Variants in MID1 observed in about 807,000 individuals in gnomAD.
The protein encoded by MID1 is midline 1.
A neutral mutation model predicts 40.4 loss-of-function variants in MID1; 7 were observed. The ratio of observed to expected loss-of-function variants is 0.17; its 90% CI spans 0.10 to 0.33. The LOEUF is 0.33. Ranked by LOEUF, MID1 falls within the 10% of genes least tolerant of loss-of-function variation. MID1 has a pLI of 1.00. For synonymous variants in MID1, 229 were observed against 221.2 expected (o/e 1.04, Z -0.31); for missense variants, 367 against 558.5 (o/e 0.66, Z 3.46).
intron 1 of MID1, among the ~76,000 whole-genome samples, chrX:10,798,284 C>G (rs367596370): frequency 8.9e-6 from 1 of 112,146 alleles, no homozygotes; most frequent in South Asian, 3.7e-4. Context: ...ATTAAAACAT[C>G]TTTTGACTAC....
At chrX:10,756,074 G>A (rs781675046) in intron 1 of MID1, among the ~76,000 whole-genome samples, 1 of 112,024 alleles carries the variant, frequency 8.9e-6, no homozygotes, top group Non-Finnish European at 1.9e-5. Context: ...CTTAAGAAAT[G>A]AAATGAACAA....
intron 1 of MID1, among the ~76,000 whole-genome samples, chrX:10,756,036 A>G (rs1475989127): frequency 8.9e-6 from 1 of 112,408 alleles, no homozygotes; most frequent in Non-Finnish European, 1.9e-5. Flanking sequence ...TGAATCTATC[A>G]CTAATTTTCT....
Position 10,501,571 on chromosome X carries a change from G to C in MID1, c.757-5880C>G, listed in dbSNP as rs933112119. On this transcript the variant is annotated intron_variant, in intron 3 of 9. Transcript: ENST00000317552. The stretch of plus-strand genomic sequence containing the variant: ...TGATCCTTTACAGTCTGATGAAAGA[G>C]ATATTACAAAATTGAATAATGATGT... 12 of 1,134,187 alleles carry C rather than the reference G, an allele frequency of 1.1e-5. No homozygotes were observed. The Admixed American group carries it at 2.9e-4, about 27-fold the overall frequency. The allele number at this position is 1,134,187 out of a possible 1,213,427, so 93.5% of individuals were successfully genotyped here. A position where few individuals can be genotyped will look rare whatever the true frequency, so the allele number is the denominator to read the frequency against.
chrX:10,769,546 ACC>A (rs1302510105), intron 1 of MID1, among the ~76,000 whole-genome samples: 1 of 111,952 alleles, frequency 8.9e-6, no homozygotes, highest in African/African-American at 3.3e-5. Context: ...TTCCACTGGG[ACC>A]CATTTTTTTC....
chrX:10,511,224 T>C (rs1932137529), intron 3 of MID1, among the ~76,000 whole-genome samples: 2 of 102,551 alleles, frequency 2.0e-5, no homozygotes, highest in Admixed American at 2.1e-4. Context: ...CCAGCCTGGG[T>C]GACAGAGCAA....
At chrX:10,612,371 G>A (rs1935749836) in intron 1 of MID1, among the ~76,000 whole-genome samples, 1 of 111,552 alleles carries the variant, frequency 9.0e-6, no homozygotes, top group South Asian at 3.7e-4. Flanking sequence ...TTTCTCTACC[G>A]CTTTCCCCAT....
At chrX:10,761,078 A>G (rs1446128336) in intron 1 of MID1, among the ~76,000 whole-genome samples, 3 of 111,954 alleles carry the variant, frequency 2.7e-5, no homozygotes, top group Non-Finnish European at 5.6e-5. Context: ...AACAGCAGGA[A>G]GTTATTATCT....
In MID1 at chrX:10,446,633, G is replaced by A. The variant is rs1265496167; in HGVS notation, c.*2735C>T. ...TATCCACCAGGAAGAGAGGTACCAC[G>A]TTTCTGAGTTCTTTTATGAGCACTC... On this transcript the variant is annotated 3_prime_UTR_variant, in exon 10 of 10. Transcript: ENST00000317552. 1.8e-5 allele frequency: 2 copies of A among 112,149 alleles called. No homozygotes were observed. Among genetic ancestry groups the A allele is most frequent in the African/African-American group, 3.2e-5 (1 of 30,851 alleles). The allele number at this position is 112,149 out of a possible 1,213,427, so 9.2% of individuals were successfully genotyped here. A position where few individuals can be genotyped will look rare whatever the true frequency, so the allele number is the denominator to read the frequency against.
chrX:10,580,885 A>C, intron 1 of MID1, among the ~76,000 whole-genome samples: 1 of 103,953 alleles, frequency 9.6e-6, no homozygotes, highest in African/African-American at 3.6e-5. Flanking sequence ...AGTGTGCCCA[A>C]GTGTTCTTGG....
intron 1 of MID1, among the ~76,000 whole-genome samples, chrX:10,775,228 A>G (rs2043794894): frequency 1.8e-5 from 2 of 110,851 alleles, no homozygotes; most frequent in African/African-American, 6.6e-5. Context: ...TGGAAATGAA[A>G]AAGAATGAAG....
At chrX:10,569,227 G>T (rs1238472889) in intron 1 of MID1, among the ~76,000 whole-genome samples, 1 of 111,999 alleles carries the variant, frequency 8.9e-6, no homozygotes, top group Non-Finnish European at 1.9e-5. Context: ...AAAGTATAAA[G>T]TATGTCCCGA....
chrX:10,625,502 T>C (rs1935986490), upstream of MID1, among the ~76,000 whole-genome samples: 1 of 112,422 alleles, frequency 8.9e-6, no homozygotes, highest in Non-Finnish European at 1.9e-5. Flanking sequence ...AATAAATGTT[T>C]ACTGAGTTGT....
chrX:10,456,797 G>C (rs890536518), intron 8 of MID1, among the ~76,000 whole-genome samples: 1 of 111,639 alleles, frequency 9.0e-6, no homozygotes, highest in South Asian at 3.8e-4. Context: ...AGACCATGCC[G>C]CTGCGCTCCA....
At chrX:10,581,205 C>T (rs770168370) in intron 1 of MID1, among the ~76,000 whole-genome samples, 9 of 111,170 alleles carry the variant, frequency 8.1e-5, no homozygotes, top group African/African-American at 2.0e-4. Flanking sequence ...ACCGAGATTG[C>T]GCCACTGCAC....
At chrX:10,698,721 A>T (rs1369583676) in intron 1 of MID1, among the ~76,000 whole-genome samples, 2 of 101,223 alleles carry the variant, frequency 2.0e-5, no homozygotes, top group African/African-American at 8.1e-5. Flanking sequence ...GCAAAAAAAA[A>T]GAAGAAAAAG....
At chrX:10,769,300 C>T (rs770102597) in intron 1 of MID1, among the ~76,000 whole-genome samples, 30 of 110,703 alleles carry the variant, frequency 2.7e-4, no homozygotes, top group Admixed American at 5.8e-4. Context: ...CAAAAAAACC[C>T]CAAACAAAAA....
intron 1 of MID1, among the ~76,000 whole-genome samples, chrX:10,618,238 C>T (rs1394319887): frequency 8.9e-6 from 1 of 112,177 alleles, no homozygotes; most frequent in East Asian, 2.8e-4. Flanking sequence ...TGATAGTTAA[C>T]CCTGTAAATC....
intron 1 of MID1, among the ~76,000 whole-genome samples, chrX:10,804,854 T>C (rs1195699223): frequency 1.8e-5 from 2 of 111,521 alleles, no homozygotes; most frequent in African/African-American, 6.5e-5. Context: ...TTCTTTCTTT[T>C]GTAAACAATG....
chrX:10,580,197 C>T (rs935447520), intron 1 of MID1, among the ~76,000 whole-genome samples: 8 of 99,893 alleles, frequency 8.0e-5, no homozygotes, highest in African/African-American at 3.1e-4. Context: ...TGCCCCCCCC[C>T]GCCCCGCCCT....
Sources: gnomAD v4.1 joint callset for allele counts (sites outside exome capture counted in the v4.1 genomes callset) on GRCh38, gnomAD v4.1.1 for gene constraint, MANE v1.5 for transcripts, NCBI Gene and HGNC (gene_info 2026-07-23, HGNC 2026-07-21) for gene names.